Variants in SMAD6 observed in about 807,000 individuals in gnomAD.
The protein encoded by SMAD6 is SMAD family member 6, also known as MAD homolog 6.
In SMAD6, 103 loss-of-function variants were observed where a neutral mutation model predicts 39.4. That is an observed-to-expected ratio of 2.62 (90% confidence interval 2.23 to 3.08). The LOEUF is 3.08. SMAD6 is among the 30% of genes most tolerant of loss of function. SMAD6 has a pLI of 0.00. For missense variants in SMAD6, 1,104 were observed against 742.9 expected, an observed-to-expected ratio of 1.49 and a Z score of -5.65; for synonymous variants, 445 against 353.3, an observed-to-expected ratio of 1.26 and a Z score of -2.91.
intron 3 of SMAD6, among the ~76,000 whole-genome samples, chr15:66,779,010 T>G (rs1427834372): frequency 1.3e-5 from 2 of 152,228 alleles, no homozygotes; most frequent in Non-Finnish European, 2.9e-5. Flanking sequence ...TGCTGCAGTT[T>G]CGTGGCTAGG....
At chr15:66,733,008 G>A (rs969700405) in intron 3 of SMAD6, among the ~76,000 whole-genome samples, 1 of 151,852 alleles carries the variant, frequency 6.6e-6, no homozygotes, top group Non-Finnish European at 1.5e-5. Context: ...ATAAATATGA[G>A]TCTAGGTTCT....
chr15:66,704,116 T>C, intron 1 of SMAD6, 41 bp downstream of exon 1: 3 of 1,339,200 alleles, frequency 2.2e-6, no homozygotes, highest in Non-Finnish European at 1.9e-6. Context: ...CGGGTCCCCG[T>C]CCCCATCCCC....
rs1029776934 is a variant in SMAD6 at position 66,775,798 on chromosome 15, C to T, written c.953-5199C>T. 2.0e-5 allele frequency among the ~76,000 whole-genome samples: 3 copies of T among 152,168 alleles called. No individual in the cohort carries two copies. The East Asian group carries it at 5.8e-4, about 29-fold the overall frequency. On this transcript the variant is annotated intron_variant, in intron 3 of 3. Coordinates refer to ENST00000288840, the MANE Select transcript of SMAD6 (RefSeq NM_005585.5). ...GCTGGTTCCTAATTAGGCTGATGGC[C>T]GTGGGAGATGGCAGTACCACAGCCT...
In SMAD6 at chr15:66,703,443, C is replaced by T. The variant is rs778607291; in HGVS notation, c.185C>T (p.Pro62Leu). 4.7e-6 allele frequency: 6 copies of T among 1,276,550 alleles called. No homozygotes were observed. Among genetic ancestry groups the T allele is most frequent in the Non-Finnish European group, 6.0e-6 (6 of 1,008,062 alleles). The allele number at this position is 1,276,550 out of a possible 1,614,324, so 79.1% of individuals were successfully genotyped here. Reference sequence around the variant, plus strand: ...GGCTGCGGCCGCTCCGAAGTCCGCCCGGTAGCCCCGCGGCGGCCCCGGGAC... The same window carrying T: ...GGCTGCGGCCGCTCCGAAGTCCGCCTGGTAGCCCCGCGGCGGCCCCGGGAC... ...GGGCGRSEVR[P>L]VAPRRPRDAV... Residue 62 changes from proline (P) to leucine (L), a missense_variant, in exon 1 of 4, where the codon CCG becomes CTG. Physicochemically the swap from Pro to Leu is moderately conservative, Grantham distance 98 (BLOSUM62 -3). Coordinates refer to ENST00000288840, the MANE Select transcript of SMAD6 (RefSeq NM_005585.5).
chr15:66,733,004 A>G (rs1893656267), intron 3 of SMAD6, among the ~76,000 whole-genome samples: 1 of 152,122 alleles, frequency 6.6e-6, no homozygotes, highest in Non-Finnish European at 1.5e-5. Context: ...AGGTATAAAT[A>G]TGAGTCTAGG....
chr15:66,745,224 AGAG>A (rs1284393055), intron 3 of SMAD6, among the ~76,000 whole-genome samples: 4 of 152,154 alleles, frequency 2.6e-5, no homozygotes, highest in Non-Finnish European at 5.9e-5. Flanking sequence ...ATTTGAAAGA[AGAG>A]AGGCCCCAGC....
chr15:66,758,326 A>G (rs1000160179), intron 3 of SMAD6, among the ~76,000 whole-genome samples: 1 of 152,224 alleles, frequency 6.6e-6, no homozygotes. Context: ...GCTTGGCAGG[A>G]TGGAAACAAC....
At chr15:66,743,442 G>C (rs1893850803) in intron 3 of SMAD6, among the ~76,000 whole-genome samples, 2 of 151,982 alleles carry the variant, frequency 1.3e-5, no homozygotes, top group Admixed American at 6.6e-5. Context: ...ATGAGATCAC[G>C]TATGCCCATA....
At chr15:66,710,869 A>G (rs749484434) in intron 1 of SMAD6, among the ~76,000 whole-genome samples, 9 of 152,192 alleles carry the variant, frequency 5.9e-5, no homozygotes, top group Non-Finnish European at 1.2e-4. Flanking sequence ...CCTGTCCTTT[A>G]CAAAAGGGGA....
At chr15:66,736,770 A>G (rs1351365408) in intron 3 of SMAD6, among the ~76,000 whole-genome samples, 1 of 151,948 alleles carries the variant, frequency 6.6e-6, no homozygotes, top group Non-Finnish European at 1.5e-5. Flanking sequence ...CCTGGGTTCA[A>G]GTGATTCTCC....
chr15:66,776,798 G>C (rs898648210), intron 3 of SMAD6, among the ~76,000 whole-genome samples: 4 of 152,190 alleles, frequency 2.6e-5, no homozygotes, highest in Non-Finnish European at 5.9e-5. Context: ...GTCTGGGTGA[G>C]CAGTGGCTCA....
intron 3 of SMAD6, among the ~76,000 whole-genome samples, chr15:66,769,340 G>T (rs1894342583): frequency 6.6e-6 from 1 of 152,126 alleles, no homozygotes; most frequent in Admixed American, 6.5e-5. Flanking sequence ...TTTTCACTGG[G>T]CCCTCAAAAG....
At chr15:66,713,820 A>G (rs1185252907) in intron 2 of SMAD6, among the ~76,000 whole-genome samples, 1 of 152,206 alleles carries the variant, frequency 6.6e-6, no homozygotes, top group East Asian at 1.9e-4. Context: ...TTGTTGTTCC[A>G]GAAGTAGGAT....
intron 3 of SMAD6, chr15:66,716,939 T>G: frequency 2.5e-4 from 316 of 1,266,582 alleles, no homozygotes; most frequent in Middle Eastern, 5.8e-4. Flanking sequence ...GCCGGTTGAA[T>G]GAGCTTGCAG....
intron 3 of SMAD6, among the ~76,000 whole-genome samples, chr15:66,749,414 C>T (rs146346407): frequency 9.9e-5 from 15 of 152,204 alleles, no homozygotes; most frequent in Non-Finnish European, 1.5e-4. Flanking sequence ...GCTGAGATCA[C>T]GCCATTGCAC....
chr15:66,730,937 T>C (rs1650065357), intron 3 of SMAD6, among the ~76,000 whole-genome samples: 1 of 152,210 alleles, frequency 6.6e-6, no homozygotes, highest in African/African-American at 2.4e-5. Flanking sequence ...AGAATGGTTG[T>C]CACATTCTAT....
chr15:66,777,987 G>A (rs1894495639), intron 3 of SMAD6, among the ~76,000 whole-genome samples: 1 of 152,182 alleles, frequency 6.6e-6, no homozygotes, highest in Admixed American at 6.5e-5. Context: ...TGATTGGGGG[G>A]ATGGAAGGAG....
chr15:66,712,493 A>T (rs111836032), intron 2 of SMAD6, among the ~76,000 whole-genome samples: 22 of 152,170 alleles, frequency 1.4e-4, no homozygotes, highest in African/African-American at 5.1e-4. Flanking sequence ...AGCCTAGCCA[A>T]CATGGTGAAA....
At chr15:66,776,088 T>C (rs1350536853) in intron 3 of SMAD6, among the ~76,000 whole-genome samples, 14 of 152,230 alleles carry the variant, frequency 9.2e-5, no homozygotes, top group Admixed American at 9.2e-4. Flanking sequence ...TTCTAGACAT[T>C]CAGACATTTG....
Sources: gnomAD v4.1 joint callset for allele counts (sites outside exome capture counted in the v4.1 genomes callset) on GRCh38, gnomAD v4.1.1 for gene constraint, MANE v1.5 for transcripts, NCBI Gene and HGNC (gene_info 2026-07-23, HGNC 2026-07-21) for gene names.